The following TPD52L1 variants were observed in gnomAD, a reference collection of about 807,000 sequenced individuals.
TPD52L1 encodes TPD52 like 1.
In TPD52L1, 18 loss-of-function variants were observed where a neutral mutation model predicts 28.7. The observed-to-expected ratio is 0.63, with a 90% CI of 0.43 to 0.93. The LOEUF is 0.93. Among genes scored for constraint, TPD52L1 ranks in the 40% least tolerant of loss-of-function variants. TPD52L1 has a pLI of 0.00. For missense variants in TPD52L1, 203 were observed against 254.8 expected (o/e 0.80, Z 1.39); for synonymous variants, 75 against 88.8 (o/e 0.84, Z 0.88).
intron 2 of TPD52L1, among the ~76,000 whole-genome samples, chr6:125,226,346 T>C (rs558942884): frequency 2.1e-4 from 32 of 152,302 alleles, no homozygotes; most frequent in Non-Finnish European, 5.9e-5. Context: ...TGGGACTTTA[T>C]ATTTCTTTTT....
chr6:125,242,237 C>T (rs1281265072), intron 3 of TPD52L1, among the ~76,000 whole-genome samples: 1 of 152,008 alleles, frequency 6.6e-6, no homozygotes, highest in Non-Finnish European at 1.5e-5. Context: ...GAGAATGTTT[C>T]ATGTGCTGAT....
chr6:125,243,847 C>A (rs1054143707), intron 3 of TPD52L1, among the ~76,000 whole-genome samples: 1 of 152,050 alleles, frequency 6.6e-6, no homozygotes, highest in South Asian at 2.1e-4. Context: ...GTTAGTGTGA[C>A]CTTTCATGGG....
rs1271833891 is a variant in TPD52L1 at position 125,222,105 on chromosome 6, C to T, written c.135+1912C>T. The stretch of plus-strand genomic sequence containing the variant: ...TCTGTTTTTAAAACAGCTTTCCTTA[C>T]TCTTTTACAAGTGTGCATGCGGATG... On this transcript the variant is annotated intron_variant, in intron 2 of 6. Coordinates refer to ENST00000534000, the MANE Select transcript of TPD52L1 (RefSeq NM_003287.4). 8 of 152,260 alleles carry T rather than the reference C, an allele frequency of 5.3e-5. No homozygotes were observed. The South Asian group carries it at 8.3e-4, about 16-fold the overall frequency. 9.4% of individuals were successfully genotyped at this position (152,260 alleles called of 1,614,324 possible). A position where few individuals can be genotyped will look rare whatever the true frequency, so the allele number is the denominator to read the frequency against.
intron 1 of TPD52L1, among the ~76,000 whole-genome samples, chr6:125,170,483 G>A (rs184211832): frequency 5.9e-5 from 9 of 152,044 alleles, no homozygotes; most frequent in African/African-American, 2.2e-4. Flanking sequence ...TTTGCTGGTA[G>A]CTCTCATATA....
intron 3 of TPD52L1, among the ~76,000 whole-genome samples, chr6:125,243,435 G>A (rs889940485): frequency 1.3e-5 from 2 of 151,802 alleles, no homozygotes; most frequent in African/African-American, 4.8e-5. Context: ...CTCAGAAACA[G>A]CAATTATTCT....
At chr6:125,214,655 T>A (rs1432484084) in intron 1 of TPD52L1, among the ~76,000 whole-genome samples, 1 of 152,202 alleles carries the variant, frequency 6.6e-6, no homozygotes, top group East Asian at 1.9e-4. Context: ...ATTAACCTTT[T>A]CTTTGTGTTT....
At chr6:125,172,097 TCC>T (rs1411239544) in intron 1 of TPD52L1, among the ~76,000 whole-genome samples, 22,349 of 129,600 alleles carry the variant, frequency 0.17, 2,820 homozygotes, top group African/African-American at 0.34. Flanking sequence ...TTTCTTTCTT[TCC>T]CTTTCTTTCT....
chr6:125,257,776 A>T (rs746588563), intron 6 of TPD52L1, among the ~76,000 whole-genome samples: 1 of 152,232 alleles, frequency 6.6e-6, no homozygotes, highest in Non-Finnish European at 1.5e-5. Flanking sequence ...TTGTTCTAGC[A>T]TAGGTAAGTT....
At chr6:125,210,223 A>AGAAT (rs537255455) in intron 1 of TPD52L1, among the ~76,000 whole-genome samples, 87 of 152,350 alleles carry the variant, frequency 5.7e-4, no homozygotes, top group South Asian at 1.2e-3. Context: ...GTTCGTTAAA[A>AGAAT]GAATGAATGA....
chr6:125,248,213 T>C (rs1441590795), intron 3 of TPD52L1, 69 bp from the exon 4 acceptor site: 38 of 1,242,960 alleles, frequency 3.1e-5, no homozygotes, highest in Non-Finnish European at 4.3e-5. Flanking sequence ...AAGTAAGGAG[T>C]GAGAAGGAAG....
At chr6:125,194,755 G>A (rs1793303677) in intron 1 of TPD52L1, among the ~76,000 whole-genome samples, 1 of 152,152 alleles carries the variant, frequency 6.6e-6, no homozygotes, top group South Asian at 2.1e-4. Flanking sequence ...GTCAGCTATT[G>A]GAATTAAATA....
At chr6:125,253,834 G>A (rs1341864530) in intron 5 of TPD52L1, 79 bp downstream of exon 5, 4 of 1,320,484 alleles carry the variant, frequency 3.0e-6, no homozygotes, top group African/African-American at 1.5e-5. Flanking sequence ...TTACTTATGG[G>A]GTTCCTCTGC....
At chr6:125,170,873 C>T (rs1791256142) in intron 1 of TPD52L1, among the ~76,000 whole-genome samples, 1 of 151,378 alleles carries the variant, frequency 6.6e-6, no homozygotes, top group Non-Finnish European at 1.5e-5. Context: ...CCTGTGCCTC[C>T]TCTTCTAGAC....
intron 1 of TPD52L1, among the ~76,000 whole-genome samples, chr6:125,211,303 CT>C (rs1750051567): frequency 6.8e-6 from 1 of 148,008 alleles, no homozygotes; most frequent in Admixed American, 6.7e-5. Context: ...ATCTATCTAT[CT>C]ATCGTGTAAC....
At chr6:125,182,423 G>T (rs1050623206) in intron 1 of TPD52L1, among the ~76,000 whole-genome samples, 6 of 152,244 alleles carry the variant, frequency 3.9e-5, no homozygotes, top group African/African-American at 7.2e-5. Flanking sequence ...GGAGAGTGAG[G>T]TGCTGATGAG....
At chr6:125,224,669 T>G (rs1795485994) in intron 2 of TPD52L1, among the ~76,000 whole-genome samples, 1 of 152,224 alleles carries the variant, frequency 6.6e-6, no homozygotes, top group South Asian at 2.1e-4. Flanking sequence ...TGAAGCCACG[T>G]GCACGTGAGA....
At chr6:125,241,207 A>C (rs1796592964) in intron 3 of TPD52L1, among the ~76,000 whole-genome samples, 1 of 152,060 alleles carries the variant, frequency 6.6e-6, no homozygotes, top group African/African-American at 2.4e-5. Flanking sequence ...TATTTTTGAT[A>C]TGCTGTTGGA....
rs193080780 is a variant in TPD52L1, at chr6:125,168,645, G to A, written c.19+14675G>A. On this transcript the variant is annotated intron_variant, in intron 1 of 6. Transcript: ENST00000534000. ...CCATTCTCCCACCCCAGCCTCCCAA[G>A]TAGCTGGGACTACAGGCGCCCGCCA... Among the ~76,000 whole-genome samples the A allele has an allele frequency of 4.4e-3, 663 of 151,850 alleles. 5 individuals are homozygous for A. The highest frequency in any genetic ancestry group is 9.5e-3 in the Admixed American group (145 of 15,228).
At chr6:125,237,172 CGTGA>C (rs763262587) in intron 3 of TPD52L1, among the ~76,000 whole-genome samples, 5 of 152,022 alleles carry the variant, frequency 3.3e-5, no homozygotes, top group Non-Finnish European at 5.9e-5. Context: ...GGCTTTTCAC[CGTGA>C]GTATTATGAG....
Sources: gnomAD v4.1 joint callset for allele counts (sites outside exome capture counted in the v4.1 genomes callset) on GRCh38, gnomAD v4.1.1 for gene constraint, MANE v1.5 for transcripts, NCBI Gene and HGNC (gene_info 2026-07-23, HGNC 2026-07-21) for gene names.